The following VWA2 variants were observed in gnomAD, a reference collection of about 807,000 sequenced individuals.
The protein encoded by VWA2 is von Willebrand factor A domain containing 2, also known as von Willebrand factor A domain-containing protein 2.
VWA2 carries 73 observed loss-of-function variants against 70.4 expected under a neutral mutation model. That is an observed-to-expected ratio of 1.04 (90% CI 0.86 to 1.26). VWA2 has a LOEUF of 1.26. VWA2 is among the 50% of genes most tolerant of loss of function. The pLI is 0.00. For synonymous variants in VWA2, 407 were observed against 423.3 expected (o/e 0.96, Z 0.47); for missense variants, 1,011 against 998.5 (o/e 1.01, Z -0.17).
At chr10:114,252,785 G>C (rs2037225315) in intron 2 of VWA2, among the ~76,000 whole-genome samples, 1 of 152,074 alleles carries the variant, frequency 6.6e-6, no homozygotes, top group Admixed American at 6.5e-5. Context: ...TTTTAGTAGA[G>C]ATGGGGTTTC....
At chr10:114,251,697 G>C (rs2037198828) in intron 2 of VWA2, among the ~76,000 whole-genome samples, 1 of 152,116 alleles carries the variant, frequency 6.6e-6, no homozygotes, top group Admixed American at 6.5e-5. Context: ...TCTGTCCTCA[G>C]GGAGCTTCCA....
intron 8 of VWA2, among the ~76,000 whole-genome samples, chr10:114,282,160 C>T (rs944590602): frequency 4.6e-5 from 7 of 152,080 alleles, no homozygotes; most frequent in East Asian, 1.9e-4. Flanking sequence ...CATGCCACCA[C>T]GCCCAGCTAA....
At chr10:114,280,099 G>A (rs2037994406) in intron 8 of VWA2, among the ~76,000 whole-genome samples, 1 of 152,188 alleles carries the variant, frequency 6.6e-6, no homozygotes, top group African/African-American at 2.4e-5. Context: ...TTTGAAAAGG[G>A]GTGTGATAAT....
intron 6 of VWA2, among the ~76,000 whole-genome samples, chr10:114,276,979 T>A (rs954705765): frequency 1.3e-5 from 2 of 152,098 alleles, no homozygotes; most frequent in African/African-American, 4.8e-5. Flanking sequence ...CCTGTGCACA[T>A]GTGCCCTCAG....
At chr10:114,277,709 G>C (rs766294139) in intron 6 of VWA2, among the ~76,000 whole-genome samples, 1 of 152,102 alleles carries the variant, frequency 6.6e-6, no homozygotes, top group Non-Finnish European at 1.5e-5. Context: ...TACCAGCTAT[G>C]CTTGCTTGTT....
intron 1 of VWA2, chr10:114,246,162 A>C (rs2037062870): frequency 8.5e-7 from 1 of 1,173,020 alleles, no homozygotes; most frequent in Non-Finnish European, 1.3e-6. Flanking sequence ...TTAGTTGGGA[A>C]GCCTCCTTTT....
Position 114,291,236 on chromosome 10 carries a change from G to A in VWA2, c.2267G>A (p.Ter756=). ...HCENRFLRRP[*] ...TCCCCAGGATTCTTGAGACGCCCCTGAGGCACATGGCTCCCGTGCAGGAGG... is the reference window on the plus strand; with the variant it reads ...TCCCCAGGATTCTTGAGACGCCCCTAAGGCACATGGCTCCCGTGCAGGAGG... Residue 756 remains the stop codon, a stop_retained_variant, in exon 14 of 14, where the codon TGA becomes TAA. Coordinates refer to ENST00000392982, the MANE Select transcript of VWA2 (RefSeq NM_001272046.2). 1 of 1,550,448 alleles carries A rather than the reference G, an allele frequency of 6.4e-7. No individual in the cohort carries two copies. The highest frequency in any genetic ancestry group is 1.2e-5 in the South Asian group (1 of 84,034).
At chr10:114,273,905 G>A (rs2037764311) in intron 6 of VWA2, among the ~76,000 whole-genome samples, 1 of 152,200 alleles carries the variant, frequency 6.6e-6, no homozygotes, top group Non-Finnish European at 1.5e-5. Context: ...AAATAAAGTA[G>A]GGTAAGAGGC....
intron 10 of VWA2, 112 bp from the exon 11 acceptor site, chr10:114,285,827 C>T: frequency 1.7e-6 from 2 of 1,211,420 alleles, no homozygotes; most frequent in Admixed American, 3.0e-5. Flanking sequence ...TTGGGGGGCC[C>T]ACAGTTTCTC....
intron 13 of VWA2, 94 bp downstream of exon 13, chr10:114,290,459 C>A: frequency 6.7e-7 from 1 of 1,497,046 alleles, no homozygotes; most frequent in Non-Finnish European, 9.0e-7. Flanking sequence ...GGTTCTAAAA[C>A]ATTCGTTCAG....
rs78334501 is a variant in VWA2 at position 114,273,665 on chromosome 10, C to T, written c.566+731C>T. Reference sequence around the variant, plus strand: ...TTAAGTGAAATGACTCTGGTCTGGGCACTGTGTTTGCACACAGAAATCTCT... The same window carrying T: ...TTAAGTGAAATGACTCTGGTCTGGGTACTGTGTTTGCACACAGAAATCTCT... On this transcript the variant is annotated intron_variant, in intron 6 of 13. Coordinates refer to ENST00000392982, the MANE Select transcript of VWA2 (RefSeq NM_001272046.2). Among the ~76,000 whole-genome samples the T allele has an allele frequency of 4.7e-3, 721 of 152,320 alleles. 4 individuals carry two copies. The highest frequency in any genetic ancestry group is 0.017 in the African/African-American group (692 of 41,580).
rs771697709 is a variant in VWA2, at chr10:114,278,093, G to A, written c.700+46G>A. 3.7e-5 allele frequency: 58 copies of A among 1,583,174 alleles called. 1 individual carries two copies. In the East Asian group the frequency reaches 5.0e-4, roughly 14 times the overall value. On this transcript the variant is annotated intron_variant, in intron 7 of 13. Coordinates refer to ENST00000392982, the MANE Select transcript of VWA2 (RefSeq NM_001272046.2). Reference sequence around the variant, plus strand: ...GGGAGTGGAAGTGCCATGTGGGGTCGGGGAGGGCTCCCTGAGGCAAGAGGT... The same window carrying A: ...GGGAGTGGAAGTGCCATGTGGGGTCAGGGAGGGCTCCCTGAGGCAAGAGGT...
intron 7 of VWA2, 113 bp from the exon 8 acceptor site, chr10:114,278,605 TG>T: frequency 6.7e-7 from 1 of 1,494,872 alleles, no homozygotes; most frequent in Non-Finnish European, 9.1e-7. Context: ...GTGGCCAGCC[TG>T]GAAGTGTGGT....
At chr10:114,243,354 C>G (rs933092582) in intron 1 of VWA2, among the ~76,000 whole-genome samples, 3 of 152,196 alleles carry the variant, frequency 2.0e-5, no homozygotes, top group Non-Finnish European at 4.4e-5. Context: ...TTTCCCCAGG[C>G]AGCTTTTTAA....
intron 1 of VWA2, among the ~76,000 whole-genome samples, chr10:114,247,923 T>G (rs1015504480): frequency 5.9e-5 from 9 of 151,982 alleles, no homozygotes; most frequent in African/African-American, 2.2e-4. Flanking sequence ...TGGTGAAGTT[T>G]TTTTTTAAAA....
At chr10:114,262,760 G>A (rs192260845) in intron 5 of VWA2, among the ~76,000 whole-genome samples, 7 of 152,238 alleles carry the variant, frequency 4.6e-5, no homozygotes, top group Admixed American at 3.9e-4. Flanking sequence ...TTCCTCTGCC[G>A]TCGAACAGAT....
intron 5 of VWA2, among the ~76,000 whole-genome samples, chr10:114,270,396 T>G (rs1380445200): frequency 6.6e-6 from 1 of 152,202 alleles, no homozygotes; most frequent in Non-Finnish European, 1.5e-5. Flanking sequence ...CATATATAGC[T>G]AAACATGGGT....
At chr10:114,246,617 G>T in intron 1 of VWA2, 1 of 1,457,818 alleles carries the variant, frequency 6.9e-7, no homozygotes. Context: ...CCCAGCCAGA[G>T]GCCAATGCTC....
chr10:114,278,702 G>A lies in VWA2; in HGVS notation c.701-17G>A, dbSNP rs1169667883. ...CCCTGTCTCCTCCGTGGGTGTGGGT[G>A]TGTGTTGTGGACACAGACTGCAGGG... On this transcript the variant is annotated splice_polypyrimidine_tract_variant and intron_variant, in intron 7 of 13. Coordinates refer to ENST00000392982, the MANE Select transcript of VWA2 (RefSeq NM_001272046.2). 1.2e-6 allele frequency: 2 copies of A among 1,613,788 alleles called. No individual in the cohort carries two copies. Among genetic ancestry groups the A allele is most frequent in the East Asian group, 2.2e-5 (1 of 44,890 alleles).
Sources: gnomAD v4.1 joint callset for allele counts (sites outside exome capture counted in the v4.1 genomes callset) on GRCh38, gnomAD v4.1.1 for gene constraint, MANE v1.5 for transcripts, NCBI Gene and HGNC (gene_info 2026-07-23, HGNC 2026-07-21) for gene names.